RFLNA: variants seen among roughly 807,000 people sequenced by gnomAD.
RFLNA encodes refilin A, also known as refilin-A.
In RFLNA, 5 loss-of-function variants were observed where a neutral mutation model predicts 7.8. The ratio of observed to expected loss-of-function variants is 0.64; its 90% CI spans 0.34 to 1.35. RFLNA has a LOEUF of 1.35. Ranked by LOEUF, RFLNA falls within the 40% of genes most tolerant of loss-of-function variation. The probability of loss-of-function intolerance (pLI) is 0.04; values close to 1 mark genes in which losing one functional copy is unlikely to be tolerated. For missense variants in RFLNA, 278 were observed against 305.5 expected (o/e 0.91, Z 0.67); for synonymous variants, 141 against 131.3 (o/e 1.07, Z -0.50).
rs1227901512 is a variant in RFLNA at position 124,290,068 on chromosome 12, C to T, written c.-37+698C>T. On this transcript the variant is annotated intron_variant, in intron 1 of 2. Transcript: ENST00000324038. This position sits in a 1 kb window ranked among gnomAD's most constrained non-coding sequence, Gnocchi z 4.0. ...TCCACTTCAACTTCTTCTGTGGCTA[C>T]TTTCAAACCCTCAGGGATGTTCAGT... Among the ~76,000 whole-genome samples, 4 of 152,226 alleles carry T rather than the reference C, an allele frequency of 2.6e-5. No homozygotes were observed. Among genetic ancestry groups the T allele is most frequent in the Admixed American group, 2.0e-4 (3 of 15,282 alleles).
chr12:124,306,242 C>T lies in RFLNA; in HGVS notation c.208-5576C>T, dbSNP rs538205047. On this transcript the variant is annotated intron_variant, in intron 1 of 2. Coordinates refer to ENST00000546355, the MANE Select transcript of RFLNA (RefSeq NM_001365156.1). The surrounding 1 kb of genome is among the most constrained non-coding windows in gnomAD (Gnocchi z 5.2). ...GCTGCTTCTCTGGGGGTGACAGACA[C>T]GCAAAGGGGTTATCGCGATGAAGGC... Among the ~76,000 whole-genome samples the T allele has an allele frequency of 3.9e-5, 6 of 152,244 alleles. No individual in the cohort carries two copies. Among genetic ancestry groups the T allele is most frequent in the Admixed American group, 2.6e-4 (4 of 15,290 alleles).
At chr12:124,291,380 G>A (rs796213414), upstream of RFLNA, among the ~76,000 whole-genome samples, 2 of 152,216 alleles carry the variant, frequency 1.3e-5, no homozygotes, top group African/African-American at 4.8e-5. Context: ...TCAGCCTCCT[G>A]TGTAGCTGGG....
chr12:124,304,248 G>A (rs1323814487), intron 1 of RFLNA, among the ~76,000 whole-genome samples: 4 of 152,254 alleles, frequency 2.6e-5, no homozygotes, highest in East Asian at 1.9e-4. Flanking sequence ...GCAGCTCCGC[G>A]GGAGTGTCCT....
upstream of RFLNA, among the ~76,000 whole-genome samples, chr12:124,294,133 C>T (rs528088501): frequency 1.3e-5 from 2 of 152,292 alleles, no homozygotes; most frequent in East Asian, 1.9e-4. Flanking sequence ...AAAGTGCTGC[C>T]CTCAGTTTGG....
Position 124,295,585 on chromosome 12 carries a change from G to A in RFLNA, c.156G>A (p.Ala52=). 8.1e-7 allele frequency: 1 copy of A among 1,231,382 alleles called. No individual in the cohort carries two copies. The allele number at this position is 1,231,382 out of a possible 1,614,324, so 76.3% of individuals were successfully genotyped here. A position where few individuals can be genotyped will look rare whatever the true frequency, so the allele number is the denominator to read the frequency against. The change falls in exon 1 of 3, where the codon GCG becomes GCA. Residue 52 remains alanine, a synonymous_variant. Coordinates refer to ENST00000546355, the MANE Select transcript of RFLNA (RefSeq NM_001365156.1). ...SLAPGILDAR[A]GGAGASSEPP... ...CGCCCGGCATCCTCGACGCGCGCGC[G>A]GGGGGCGCCGGCGCCTCCTCGGAGC...
At chr12:124,311,538 G>A (rs1180445923) in intron 1 of RFLNA, among the ~76,000 whole-genome samples, 1 of 152,238 alleles carries the variant, frequency 6.6e-6, no homozygotes, top group East Asian at 1.9e-4. Context: ...TGAGGTTGCA[G>A]TGAGAGGCCA....
intron 1 of RFLNA, among the ~76,000 whole-genome samples, chr12:124,301,332 T>A (rs1444434722): frequency 2.6e-5 from 4 of 152,176 alleles, no homozygotes; most frequent in Non-Finnish European, 5.9e-5. Flanking sequence ...TATCTGCAGC[T>A]TTAGTGTGAA....
rs1350744210 is a variant in RFLNA at position 124,311,925 on chromosome 12, C to G, written c.315C>G (p.Ile105Met). The G allele has an allele frequency of 6.4e-7, 1 of 1,570,120 alleles. No individual in the cohort carries two copies. The highest frequency in any genetic ancestry group is 8.6e-7 in the Non-Finnish European group (1 of 1,159,028). The change falls in exon 2 of 3, where the codon ATC becomes ATG. Residue 105 changes from isoleucine (I) to methionine (M), a missense_variant and splice_region_variant. By Grantham distance (10) the Ile-to-Met change is conservative. Coordinates refer to ENST00000546355, the MANE Select transcript of RFLNA (RefSeq NM_001365156.1). Reference protein sequence around the residue: ...IKVNPEPTHEIRCNSEVKYAS... With the variant: ...IKVNPEPTHEMRCNSEVKYAS... Reference sequence around the variant, plus strand: ...TGAACCCGGAACCCACGCATGAGATCCGGTGAGTGGGCCACTGGGCTCTGC... The same window carrying G: ...TGAACCCGGAACCCACGCATGAGATGCGGTGAGTGGGCCACTGGGCTCTGC...
rs1481173588 is a variant in RFLNA at position 124,306,812 on chromosome 12, G to A, written c.208-5006G>A. On this transcript the variant is annotated intron_variant, in intron 1 of 2. Transcript: ENST00000546355. The surrounding 1 kb of genome is among the most constrained non-coding windows in gnomAD (Gnocchi z 5.2). ...AGGCAGGTATGGGGGCGGCGGGGAG[G>A]GGACAGATGTAGGAGATATCAAGCT... 6.6e-6 allele frequency among the ~76,000 whole-genome samples: 1 copy of A among 152,122 alleles called. No individual in the cohort carries two copies. Among genetic ancestry groups the A allele is most frequent in the African/African-American group, 2.4e-5 (1 of 41,418 alleles).
chr12:124,296,888 A>G (rs181016996), intron 1 of RFLNA, among the ~76,000 whole-genome samples: 7 of 152,320 alleles, frequency 4.6e-5, no homozygotes, highest in East Asian at 1.9e-4. Context: ...GGGAGTCACT[A>G]TCTTAGACCA....
At chr12:124,302,465 C>T (rs897968072) in intron 1 of RFLNA, among the ~76,000 whole-genome samples, 25 of 151,994 alleles carry the variant, frequency 1.6e-4, no homozygotes, top group African/African-American at 6.0e-4. Flanking sequence ...CTCCTGGGAT[C>T]CCCCCCAAGC....
upstream of RFLNA, among the ~76,000 whole-genome samples, chr12:124,291,107 C>T (rs954793175): frequency 6.6e-6 from 1 of 152,150 alleles, no homozygotes; most frequent in African/African-American, 2.4e-5. Context: ...CCACTGGGAC[C>T]CACTGACAGC....
intron 2 of RFLNA, 121 bp from the exon 3 acceptor site, chr12:124,314,071 C>G (rs2034302771): frequency 7.9e-7 from 1 of 1,272,760 alleles, no homozygotes; most frequent in African/African-American, 1.5e-5. Flanking sequence ...CATTTCAGAG[C>G]AGCCCACACC....
chr12:124,291,966 C>A (rs555555722), upstream of RFLNA, among the ~76,000 whole-genome samples: 1 of 152,160 alleles, frequency 6.6e-6, no homozygotes, highest in South Asian at 2.1e-4. Flanking sequence ...TATGCATACA[C>A]CCTTCTCCCC....
At chr12:124,298,447 C>G (rs2033969825) in intron 1 of RFLNA, among the ~76,000 whole-genome samples, 1 of 152,220 alleles carries the variant, frequency 6.6e-6, no homozygotes, top group South Asian at 2.1e-4. Context: ...ACCCCCTCCC[C>G]ACTCACCATG....
upstream of RFLNA, among the ~76,000 whole-genome samples, chr12:124,294,511 C>T (rs2033870561): frequency 6.6e-6 from 1 of 152,172 alleles, no homozygotes; most frequent in African/African-American, 2.4e-5. Flanking sequence ...ACCGGCAGGA[C>T]CCTTGTTCAT....
chr12:124,292,146 G>C (rs142616108), upstream of RFLNA, among the ~76,000 whole-genome samples: 757 of 152,246 alleles, frequency 5.0e-3, 6 homozygotes, highest in Middle Eastern at 0.017. Flanking sequence ...GAGGAACTTT[G>C]GAAGCGATTT....
intron 1 of RFLNA, among the ~76,000 whole-genome samples, chr12:124,301,469 G>A (rs1479149624): frequency 1.3e-5 from 2 of 152,194 alleles, no homozygotes; most frequent in Non-Finnish European, 2.9e-5. Context: ...GGGCAGGTGT[G>A]GTCTGTCCTG....
At chr12:124,310,376 G>A (rs2034221007) in intron 1 of RFLNA, among the ~76,000 whole-genome samples, 1 of 151,640 alleles carries the variant, frequency 6.6e-6, no homozygotes, top group Admixed American at 6.6e-5. Context: ...CCGGAGGGAA[G>A]AGTGGGGTAG....
Sources: gnomAD v4.1 joint callset for allele counts (sites outside exome capture counted in the v4.1 genomes callset) on GRCh38, gnomAD v4.1.1 for gene constraint, Gnocchi (gnomAD v3.1) non-coding constraint, MANE v1.5 for transcripts, NCBI Gene and HGNC (gene_info 2026-07-23, HGNC 2026-07-21) for gene names.